HAUS5: variants seen among roughly 807,000 people sequenced by gnomAD.
HAUS5 encodes HAUS augmin like complex subunit 5.
Under a neutral mutation model 94.1 loss-of-function variants are expected in HAUS5, and 67 were observed. That is an observed-to-expected ratio of 0.71 (90% confidence interval 0.58 to 0.87). The LOEUF is 0.87. Among genes scored for constraint, HAUS5 ranks in the 40% least tolerant of loss-of-function variants. The pLI, the probability that HAUS5 is intolerant of heterozygous loss-of-function variation, is 0.00. For synonymous variants in HAUS5, 339 were observed against 355.4 expected (o/e 0.95, Z 0.52); for missense variants, 739 against 825.6 (o/e 0.90, Z 1.29).
Position 35,623,022 on chromosome 19 carries a change from T to G in HAUS5, c.*29T>G, listed in dbSNP as rs777679041. The G allele has an allele frequency of 7.0e-7, 1 of 1,428,190 alleles. No homozygotes were observed. The highest frequency in any genetic ancestry group is 1.4e-5 in the African/African-American group (1 of 71,020). 88.5% of individuals were successfully genotyped at this position (1,428,190 alleles called of 1,614,324 possible). A position where few individuals can be genotyped will look rare whatever the true frequency, so the allele number is the denominator to read the frequency against. ...GAGGGTTCAAACGGAAGCCGAGAAC[T>G]TGACACTGTTCACCCCAACACCTCA... On this transcript the variant is annotated 3_prime_UTR_variant, in exon 19 of 19. Transcript: ENST00000203166.
At chr19:35,620,552 C>T (rs929986903) in intron 17 of HAUS5, among the ~76,000 whole-genome samples, 2 of 152,212 alleles carry the variant, frequency 1.3e-5, no homozygotes, top group Non-Finnish European at 2.9e-5. Context: ...TAGTAGGTTG[C>T]CCAAATGGCA....
rs1179530882 is a variant in HAUS5 at position 35,619,723 on chromosome 19, T to C, written c.1371T>C (p.Ile457=). Residue 457 remains isoleucine (I), a synonymous_variant, in exon 15 of 19, where the codon ATT becomes ATC. Coordinates refer to ENST00000203166, the MANE Select transcript of HAUS5 (RefSeq NM_015302.2). ...LEEEVRHLPH[I]LLGTLLRHRP... is the part of the protein sequence containing the mutation. Reference sequence around the variant, plus strand: ...AGGAAGTCCGGCATTTGCCCCACATTCTGTTGGGCACGCTGCTGCGGCACA... The same window carrying C: ...AGGAAGTCCGGCATTTGCCCCACATCCTGTTGGGCACGCTGCTGCGGCACA... 4 of 1,566,934 alleles carry C rather than the reference T, an allele frequency of 2.6e-6. No individual in the cohort carries two copies. The highest frequency in any genetic ancestry group is 3.7e-4 in the Middle Eastern group (2 of 5,404).
At chr19:35,619,530 T>A (rs768867600) in intron 14 of HAUS5, 26 bp downstream of exon 14, 25 of 1,607,868 alleles carry the variant, frequency 1.6e-5, no homozygotes, top group Non-Finnish European at 1.4e-5. Flanking sequence ...GGGTGAGGTC[T>A]GGGTAGGGCT....
Position 35,618,817 on chromosome 19 carries a change from C to T in HAUS5, c.1017-70C>T, listed in dbSNP as rs1599597074. On this transcript the variant is annotated intron_variant, in intron 12 of 18. Transcript: ENST00000203166. ...TGCCTCCTCTCCCTGCAGTGTCTCT[C>T]CCTGGTTTATGGTCCCTTGTGTGGC... 3 of 1,531,890 alleles carry T rather than the reference C, an allele frequency of 2.0e-6. No individual in the cohort carries two copies. The East Asian group carries it at 6.8e-5, about 35-fold the overall frequency. 94.9% of individuals were successfully genotyped at this position (1,531,890 alleles called of 1,614,324 possible).
intron 6 of HAUS5, among the ~76,000 whole-genome samples, chr19:35,616,049 G>A (rs2071939686): frequency 6.6e-6 from 1 of 152,124 alleles, no homozygotes; most frequent in Non-Finnish European, 1.5e-5. Context: ...GGGCATGGTG[G>A]CTCACACCTG....
intron 14 of HAUS5, 29 bp from the exon 15 acceptor site, chr19:35,619,584 G>GGGCCCCCCCCCCCCC: frequency 6.5e-7 from 1 of 1,533,888 alleles, no homozygotes; most frequent in Non-Finnish European, 8.9e-7. Context: ...ATGTTGTGAT[G>GGGCCCCCCCCCCCCC]CCCCACCCAC....
At chr19:35,613,570 TAAA>T (rs34133946) in intron 1 of HAUS5, 157 bp from the exon 2 acceptor site, 11,302 of 485,442 alleles carry the variant, frequency 0.023, no homozygotes, top group Middle Eastern at 0.035. Flanking sequence ...GACTGTCTCT[TAAA>T]AAAAAAAAAA....
intron 10 of HAUS5, 62 bp from the exon 11 acceptor site, chr19:35,618,340 A>T (rs1316829475): frequency 1.9e-6 from 3 of 1,607,828 alleles, no homozygotes; most frequent in Non-Finnish European, 2.5e-6. Context: ...GATACTGTCC[A>T]CCCTCGAGTA....
Position 35,618,259 on chromosome 19 carries a change from C to T in HAUS5, c.821+64C>T, listed in dbSNP as rs1967139027. ...GTGAGTGGGTGAGCTGGGACAGCCT[C>T]AGGACCCCTGGCCCAGCCACCTGCT... On this transcript the variant is annotated intron_variant, in intron 10 of 18. Coordinates refer to ENST00000203166, the MANE Select transcript of HAUS5 (RefSeq NM_015302.2). 6.3e-6 allele frequency: 10 copies of T among 1,599,702 alleles called. No homozygotes were observed. The South Asian group carries it at 1.0e-4, about 16-fold the overall frequency.
At chr19:35,622,495 A>G (rs1360417085) in intron 17 of HAUS5, 106 bp from the exon 18 acceptor site, 24 of 1,163,620 alleles carry the variant, frequency 2.1e-5, no homozygotes, top group Non-Finnish European at 2.8e-5. Context: ...GGTTTGCGGG[A>G]GCTGCTGAGG....
intron 1 of HAUS5, 21 bp from the exon 2 acceptor site, chr19:35,613,709 G>C (rs1399068193): frequency 1.2e-6 from 2 of 1,611,786 alleles, no homozygotes; most frequent in Non-Finnish European, 1.7e-6. Context: ...CCAGGCATAT[G>C]CTTACACACT....
intron 14 of HAUS5, 29 bp from the exon 15 acceptor site, chr19:35,619,584 G>GGGGCCCCCCCC: frequency 2.0e-6 from 3 of 1,533,856 alleles, no homozygotes; most frequent in East Asian, 2.3e-5. Flanking sequence ...ATGTTGTGAT[G>GGGGCCCCCCCC]CCCCACCCAC....
Position 35,619,648 on chromosome 19 carries a change from A to G in HAUS5, c.1296A>G (p.Thr432=), listed in dbSNP as rs779178138. 10 of 1,585,472 alleles carry G rather than the reference A, an allele frequency of 6.3e-6. No homozygotes were observed. The African/African-American group carries it at 1.3e-4, about 20-fold the overall frequency. ...LALVQRKVVP[T]FEAVAPQSRE... ...TGGTCCAGCGAAAGGTGGTCCCTAC[A>G]TTTGAGGCAGTGGCACCACAGAGCC... Residue 432 remains threonine, a synonymous_variant, in exon 15 of 19, where the codon ACA becomes ACG. Coordinates refer to ENST00000203166, the MANE Select transcript of HAUS5 (RefSeq NM_015302.2).
In HAUS5 at chr19:35,617,932, A is replaced by G. The variant is rs1472617888; in HGVS notation, c.696+20A>G. 5.0e-6 allele frequency: 8 copies of G among 1,613,064 alleles called. No homozygotes were observed. The highest frequency in any genetic ancestry group is 5.1e-6 in the Non-Finnish European group (6 of 1,179,202). The stretch of plus-strand genomic sequence containing the variant: ...GTGGAGGTGAGAGGGCAGGGCTCTC[A>G]GGAAAGCCACACCCTCCCGCTCCTT... On this transcript the variant is annotated intron_variant, in intron 9 of 18. Transcript: ENST00000203166.
Position 35,618,101 on chromosome 19 carries a change from G to T in HAUS5, c.727G>T (p.Val243Phe), listed in dbSNP as rs201169236. 3.7e-6 allele frequency: 6 copies of T among 1,605,210 alleles called. No homozygotes were observed. The highest frequency in any genetic ancestry group is 4.3e-6 in the Non-Finnish European group (5 of 1,174,312). ...TLLTNHPPGH[V>F]LAALEHLAAE... ...GCTGACAAACCACCCCCCAGGCCACGTCCTGGCTGCCTTGGAGCACCTGGC... is the reference window on the plus strand; with the variant it reads ...GCTGACAAACCACCCCCCAGGCCACTTCCTGGCTGCCTTGGAGCACCTGGC... The change falls in exon 10 of 19, where the codon GTC becomes TTC. Residue 243 changes from valine (V) to phenylalanine (F), a missense_variant. By Grantham distance (50) the Val-to-Phe change is conservative. Transcript: ENST00000203166.
Position 35,620,227 on chromosome 19 carries a change from T to C in HAUS5, c.1551T>C (p.Ser517=), listed in dbSNP as rs1967188070. The C allele has an allele frequency of 6.2e-7, 1 of 1,613,640 alleles. No homozygotes were observed. ...AGCTGCTCCTGCCGGCGGCTGCCTC[T>C]CTTCGCCAGGACCTTCTGCTCCTGC... ...ASELLLPAAA[S]LRQDLLLLQD... Residue 517 remains serine (S), a synonymous_variant, in exon 17 of 19, where the codon TCT becomes TCC. Transcript: ENST00000203166.
At position 35,622,906 on chromosome 19, in the gene HAUS5, T is replaced by G. The variant is rs1967234586; in HGVS notation, c.1815T>G (p.Ser605=). 9 of 1,613,898 alleles carry G rather than the reference T, an allele frequency of 5.6e-6. No homozygotes were observed. The highest frequency in any genetic ancestry group is 7.6e-6 in the Non-Finnish European group (9 of 1,179,992). The change falls in exon 19 of 19, where the codon TCT becomes TCG. Residue 605 remains serine (S), a synonymous_variant. Transcript: ENST00000203166. The stretch of plus-strand genomic sequence containing the variant: ...AGCAGCCAGGCCAGGCCGCCCTCTC[T>G]GAGGAGCTCTGCCAGGGCCTGTCCC... ...WWEQPGQAAL[S]EELCQGLSLP... is the part of the protein sequence containing the mutation.
Position 35,618,966 on chromosome 19 carries a change from C to T in HAUS5, c.1096C>T (p.Gln366Ter), listed in dbSNP as rs752775080. Residue 366 changes from glutamine to a stop codon, truncating the protein, a stop_gained, in exon 13 of 19, where the codon CAG becomes TAG. Coordinates refer to ENST00000203166, the MANE Select transcript of HAUS5 (RefSeq NM_015302.2). LOFTEE classifies it high-confidence loss of function. ...CCTGCACGATCAGAGCCAGGAGCTG[C>T]AGGATGCAGCTGGGCATCGGCAGCT... Reference protein sequence around the residue: ...KALHDQSQELQDAAGHRQLLL... With the variant: ...KALHDQSQEL 7 of 1,613,446 alleles carry T rather than the reference C, an allele frequency of 4.3e-6. No individual in the cohort carries two copies. In the African/African-American group the frequency reaches 9.3e-5, roughly 22 times the overall value.
In HAUS5 at chr19:35,620,409, C is replaced by T. The variant is rs978636189; in HGVS notation, c.1651+82C>T. ...CTCCACGAGTCCTTACCAGCAACCC[C>T]GTTGTTTACGCAGTGCCCATTGTGT... On this transcript the variant is annotated intron_variant, in intron 17 of 18. Transcript: ENST00000203166. The T allele has an allele frequency of 3.0e-5, 40 of 1,314,056 alleles. No homozygotes were observed. The Middle Eastern group carries it at 5.5e-4, about 18-fold the overall frequency. 81.4% of individuals were successfully genotyped at this position (1,314,056 alleles called of 1,614,324 possible).
Sources: gnomAD v4.1 joint callset for allele counts (sites outside exome capture counted in the v4.1 genomes callset) on GRCh38, gnomAD v4.1.1 for gene constraint, MANE v1.5 for transcripts, NCBI Gene and HGNC (gene_info 2026-07-23, HGNC 2026-07-21) for gene names.